Variants in PLCB1 observed in about 807,000 individuals in gnomAD.
PLCB1 encodes the protein 1-phosphatidylinositol 4,5-bisphosphate phosphodiesterase beta-1.
Under a neutral mutation model 161.8 loss-of-function variants are expected in PLCB1, and 46 were observed. That is an observed-to-expected ratio of 0.28 (90% CI 0.22 to 0.36). The LOEUF is 0.36. PLCB1 is among the 10% of genes least tolerant of loss of function. PLCB1 has a pLI of 1.00. For missense variants in PLCB1, 1,016 were observed against 1,472.5 expected (o/e 0.69, Z 5.07); for synonymous variants, 517 against 503.7 (o/e 1.03, Z -0.35).
chr20:8,765,200 G>A lies in PLCB1; in HGVS notation c.2772G>A (p.Lys924=). The A allele has an allele frequency of 6.2e-7, 1 of 1,613,970 alleles. No homozygotes were observed. Among genetic ancestry groups the A allele is most frequent in the Middle Eastern group, 1.7e-4 (1 of 6,060 alleles). The change falls in exon 26 of 32, where the codon AAG becomes AAA. Residue 924 remains lysine (K), a synonymous_variant. Transcript: ENST00000338037. ...AGAAATCGTTTGTGAAACTTCAAAA[G>A]AAACACTACAAAGAAATGAAAGACC... ...KQQKSFVKLQ[K]KHYKEMKDLV...
chr20:8,141,560 G>A (rs1013949404), intron 1 of PLCB1, among the ~76,000 whole-genome samples: 2 of 150,002 alleles, frequency 1.3e-5, no homozygotes, highest in Non-Finnish European at 1.5e-5. Flanking sequence ...GAGGCAGGCA[G>A]AGGTTTCAGT....
intron 26 of PLCB1, among the ~76,000 whole-genome samples, chr20:8,767,410 C>G (rs1276400865): frequency 6.6e-6 from 1 of 152,202 alleles, no homozygotes; most frequent in Non-Finnish European, 1.5e-5. Context: ...TGCCTCCCTT[C>G]CCAGCTGCCA....
intron 2 of PLCB1, among the ~76,000 whole-genome samples, chr20:8,199,488 A>G (rs529200055): frequency 6.6e-6 from 1 of 152,192 alleles, no homozygotes; most frequent in Non-Finnish European, 1.5e-5. Context: ...CTTTGGCAAT[A>G]TCAAAATATA....
At chr20:8,177,898 A>G (rs1009977254) in intron 2 of PLCB1, among the ~76,000 whole-genome samples, 3 of 152,050 alleles carry the variant, frequency 2.0e-5, no homozygotes, top group Admixed American at 1.3e-4. Context: ...CTGGACAGAA[A>G]TGTGTACTCA....
intron 18 of PLCB1, chr20:8,732,261 G>A (rs1000024124): frequency 6.6e-6 from 1 of 152,022 alleles, no homozygotes; most frequent in Admixed American, 6.6e-5. Context: ...CTCTTTTAAT[G>A]AGGCATGGAG....
At chr20:8,270,238 C>T (rs1347535525) in intron 2 of PLCB1, among the ~76,000 whole-genome samples, 2 of 152,126 alleles carry the variant, frequency 1.3e-5, no homozygotes, top group Non-Finnish European at 2.9e-5. Flanking sequence ...CATCACTTTC[C>T]TAATCACATT....
At chr20:8,398,786 A>G (rs1978404710) in intron 3 of PLCB1, among the ~76,000 whole-genome samples, 1 of 151,266 alleles carries the variant, frequency 6.6e-6, no homozygotes, top group South Asian at 2.1e-4. Flanking sequence ...TTCATCTGGT[A>G]TTTCGTCCTT....
intron 4 of PLCB1, among the ~76,000 whole-genome samples, chr20:8,633,422 G>A (rs1988663766): frequency 6.6e-6 from 1 of 152,142 alleles, no homozygotes. Flanking sequence ...GAGCCTGGAG[G>A]TGAGTGCCAA....
chr20:8,642,351 C>G (rs1481570927), intron 4 of PLCB1, among the ~76,000 whole-genome samples: 1 of 152,180 alleles, frequency 6.6e-6, no homozygotes, highest in Admixed American at 6.5e-5. Context: ...AGCTCCTGTA[C>G]CATCTTTCAC....
At chr20:8,818,695 G>C (rs1345295361) in intron 31 of PLCB1, among the ~76,000 whole-genome samples, 1 of 151,920 alleles carries the variant, frequency 6.6e-6, no homozygotes, top group African/African-American at 2.4e-5. Context: ...ATCAAACAAG[G>C]TCTATTATAA....
At chr20:8,329,081 T>A (rs73086241) in intron 2 of PLCB1, among the ~76,000 whole-genome samples, 35,801 of 152,148 alleles carry the variant, frequency 0.24, 4,499 homozygotes, top group South Asian at 0.44. Context: ...AGGTCTTAAA[T>A]GACAAAATTT....
chr20:8,744,023 A>G (rs1981017638), intron 23 of PLCB1, among the ~76,000 whole-genome samples: 1 of 152,200 alleles, frequency 6.6e-6, no homozygotes, highest in Admixed American at 6.5e-5. Context: ...ATAAATCACT[A>G]TTAATATCAT....
Position 8,881,996 on chromosome 20 carries a change from C to G in PLCB1, c.*147C>G, listed in dbSNP as rs1988014578. The G allele has an allele frequency of 1.6e-6, 1 of 620,270 alleles. No homozygotes were observed. The highest frequency in any genetic ancestry group is 1.8e-5 in the African/African-American group (1 of 54,174). 38.4% of individuals were successfully genotyped at this position (620,270 alleles called of 1,614,324 possible). On this transcript the variant is annotated 3_prime_UTR_variant, in exon 32 of 32. Transcript: ENST00000338037. ...ACCAAAGGGAGAGTTCCAGAGGAAT[C>G]CATGAAGAATTCCCATGCCCAGGCT...
At chr20:8,832,935 C>T (rs890431958) in intron 31 of PLCB1, among the ~76,000 whole-genome samples, 5 of 152,192 alleles carry the variant, frequency 3.3e-5, no homozygotes, top group Non-Finnish European at 7.3e-5. Context: ...TGTGGAATCA[C>T]GGCACAATCC....
intron 3 of PLCB1, among the ~76,000 whole-genome samples, chr20:8,507,676 G>A (rs1227614226): frequency 1.3e-5 from 2 of 152,170 alleles, no homozygotes; most frequent in African/African-American, 4.8e-5. Flanking sequence ...GAAGTGGTAA[G>A]CCAGAGAGAG....
chr20:8,159,420 G>T (rs1354644136), intron 2 of PLCB1, among the ~76,000 whole-genome samples: 1 of 151,994 alleles, frequency 6.6e-6, no homozygotes, highest in African/African-American at 2.4e-5. Context: ...TTTCCTCCTA[G>T]GCCTCTGGGC....
intron 27 of PLCB1, among the ~76,000 whole-genome samples, chr20:8,785,804 G>A (rs758965464): frequency 6.6e-6 from 1 of 152,216 alleles, no homozygotes; most frequent in Non-Finnish European, 1.5e-5. Context: ...AAGGGAAACA[G>A]CACATGTGAG....
chr20:8,602,509 G>T (rs888295619), intron 3 of PLCB1, among the ~76,000 whole-genome samples: 2 of 152,078 alleles, frequency 1.3e-5, no homozygotes, highest in African/African-American at 2.4e-5. Context: ...TTAACCAGAG[G>T]TTACAGATTC....
At chr20:8,506,814 T>A (rs1332875890) in intron 3 of PLCB1, among the ~76,000 whole-genome samples, 2 of 152,220 alleles carry the variant, frequency 1.3e-5, no homozygotes, top group African/African-American at 4.8e-5. Context: ...ATTTTTAATT[T>A]TAAAAGGATA....
Sources: gnomAD v4.1 joint callset for allele counts (sites outside exome capture counted in the v4.1 genomes callset) on GRCh38, gnomAD v4.1.1 for gene constraint, MANE v1.5 for transcripts, NCBI Gene and HGNC (gene_info 2026-07-23, HGNC 2026-07-21) for gene names.